HACD2: variants seen among roughly 807,000 people sequenced by gnomAD.
The protein encoded by HACD2 is very-long-chain (3R)-3-hydroxyacyl-CoA dehydratase 2.
In HACD2, 15 loss-of-function variants were observed where a neutral mutation model predicts 31.0. The ratio of observed to expected loss-of-function variants is 0.48; its 90% CI spans 0.32 to 0.75. The LOEUF is 0.75. HACD2 is among the 30% of genes least tolerant of loss of function. HACD2 has a pLI of 0.03. For missense variants in HACD2, 283 were observed against 313.0 expected (o/e 0.90, Z 0.72); for synonymous variants, 115 against 122.2 (o/e 0.94, Z 0.39).
chr3:123,579,473 A>AG (rs1399612498), intron 2 of HACD2, among the ~76,000 whole-genome samples: 1 of 151,926 alleles, frequency 6.6e-6, no homozygotes, highest in East Asian at 1.9e-4. Context: ...AAAAAAAAAA[A>AG]ATTTTTTTTT....
chr3:123,582,882 A>G (rs915316329), intron 1 of HACD2, among the ~76,000 whole-genome samples: 1 of 152,202 alleles, frequency 6.6e-6, no homozygotes, highest in Non-Finnish European at 1.5e-5. Context: ...CCTAAAATCA[A>G]TGCAGAAATG....
intron 4 of HACD2, among the ~76,000 whole-genome samples, chr3:123,516,469 C>G (rs545113294): frequency 6.6e-6 from 1 of 150,986 alleles, no homozygotes; most frequent in South Asian, 2.1e-4. Context: ...CTTCTGACCT[C>G]GTGATCCGCC....
Position 123,579,824 on chromosome 3 carries a change from G to C in HACD2, c.273+2388C>G, listed in dbSNP as rs114385947. 5.3e-3 allele frequency among the ~76,000 whole-genome samples: 804 copies of C among 152,220 alleles called. 9 individuals carry two copies. Among genetic ancestry groups the C allele is most frequent in the African/African-American group, 0.019 (776 of 41,520 alleles). On this transcript the variant is annotated intron_variant, in intron 2 of 6. Coordinates refer to ENST00000383657, the MANE Select transcript of HACD2 (RefSeq NM_198402.5). ...GTGTCCGCTTCCAAAAAAAGTTCAA[G>C]CCTCTAAGTTTAAAAAATGGTTCAC...
intron 3 of HACD2, among the ~76,000 whole-genome samples, chr3:123,548,749 A>G (rs2056587665): frequency 6.6e-6 from 1 of 151,798 alleles, no homozygotes; most frequent in Non-Finnish European, 1.5e-5. Context: ...AGCCTCTCTG[A>G]GTAGCTGGAA....
Position 123,497,375 on chromosome 3 carries a change from G to A in HACD2, c.683-2405C>T, listed in dbSNP as rs575765790. ...TCCCTGTGTGTTGGGGACGAGGGGG[G>A]TGTGGGTGCTGCTGGGCCCTCCTTT... On this transcript the variant is annotated intron_variant, in intron 6 of 6. Coordinates refer to ENST00000383657, the MANE Select transcript of HACD2 (RefSeq NM_198402.5). 6.0e-4 allele frequency among the ~76,000 whole-genome samples: 91 copies of A among 152,334 alleles called. 1 individual carries two copies. The highest frequency in any genetic ancestry group is 2.2e-3 in the African/African-American group (90 of 41,576).
chr3:123,550,506 A>C (rs2056608821), intron 3 of HACD2, among the ~76,000 whole-genome samples: 1 of 152,218 alleles, frequency 6.6e-6, no homozygotes, highest in South Asian at 2.1e-4. Flanking sequence ...CAGAAACACA[A>C]GTGGCAGAGA....
In HACD2 at chr3:123,506,007, C is replaced by T. The variant is rs112472790; in HGVS notation, c.382-3326G>A. On this transcript the variant is annotated intron_variant, in intron 4 of 6. Coordinates refer to ENST00000383657, the MANE Select transcript of HACD2 (RefSeq NM_198402.5). ...GACAGGGGGCTGAGCTGGCCTGGGG[C>T]GGCCAGGGCTGCTGCTGTTCTTTGG... 0.024 allele frequency among the ~76,000 whole-genome samples: 3,664 copies of T among 152,274 alleles called. 232 individuals carry two copies. In the East Asian group the frequency reaches 0.25, roughly 10 times the overall value.
chr3:123,520,766 C>T (rs2056204508), intron 4 of HACD2, among the ~76,000 whole-genome samples: 1 of 151,896 alleles, frequency 6.6e-6, no homozygotes. Flanking sequence ...CTGGTGACTC[C>T]CCACTGATAA....
In HACD2 at chr3:123,582,331, T is replaced by G; in HGVS notation, c.156-2A>C. 2 of 1,564,628 alleles carry G rather than the reference T, an allele frequency of 1.3e-6. No individual in the cohort carries two copies. Among genetic ancestry groups the G allele is most frequent in the Non-Finnish European group, 8.6e-7 (1 of 1,157,450 alleles). On this transcript the variant is annotated splice_acceptor_variant, in intron 1 of 6. Coordinates refer to ENST00000383657, the MANE Select transcript of HACD2 (RefSeq NM_198402.5). LOFTEE classifies it high-confidence loss of function. ...AGACCAACCGCTATAACCAGCCACC[T>G]AGTAAAAGAGAAAACAGCAATCAGG...
intron 3 of HACD2, among the ~76,000 whole-genome samples, chr3:123,551,361 G>A (rs916293685): frequency 2.0e-5 from 3 of 152,126 alleles, no homozygotes; most frequent in African/African-American, 7.2e-5. Context: ...GCTCACACTT[G>A]TAATCCCAGC....
At chr3:123,542,016 G>A (rs566780198) in intron 3 of HACD2, among the ~76,000 whole-genome samples, 26 of 150,220 alleles carry the variant, frequency 1.7e-4, no homozygotes, top group Non-Finnish European at 2.5e-4. Context: ...GTGTAGTGGC[G>A]GGCGCCTGTA....
chr3:123,516,775 C>G (rs1267046099), intron 4 of HACD2, among the ~76,000 whole-genome samples: 2 of 152,206 alleles, frequency 1.3e-5, no homozygotes, highest in African/African-American at 4.8e-5. Context: ...GCCAGACATG[C>G]AGAATGCTAA....
intron 6 of HACD2, 30 bp from the exon 7 acceptor site, chr3:123,495,000 G>C (rs772204409): frequency 1.4e-6 from 2 of 1,414,360 alleles, no homozygotes; most frequent in Non-Finnish European, 2.0e-6. Flanking sequence ...TGGTTAAGAG[G>C]ATGGTTTAAA....
rs575207803 is a variant in HACD2 at position 123,510,132 on chromosome 3, C to A, written c.382-7451G>T. Among the ~76,000 whole-genome samples the A allele has an allele frequency of 2.0e-5, 3 of 152,266 alleles. No homozygotes were observed. The East Asian group carries it at 5.8e-4, about 29-fold the overall frequency. ...ATCATTCCAAACAGAAACTCTGTAC[C>A]CATTAAACAATCACTCCACATCTTC... On this transcript the variant is annotated intron_variant, in intron 4 of 6. Coordinates refer to ENST00000383657, the MANE Select transcript of HACD2 (RefSeq NM_198402.5).
intron 4 of HACD2, among the ~76,000 whole-genome samples, chr3:123,503,994 A>G (rs926582854): frequency 6.6e-6 from 1 of 152,230 alleles, no homozygotes; most frequent in African/African-American, 2.4e-5. Flanking sequence ...TCTGACAAAG[A>G]ATTTCATAAA....
At chr3:123,570,809 G>A (rs767350181) in intron 2 of HACD2, among the ~76,000 whole-genome samples, 16 of 152,078 alleles carry the variant, frequency 1.1e-4, no homozygotes, top group Non-Finnish European at 2.1e-4. Context: ...AAACTGTAAT[G>A]CAAGAGGCAA....
Position 123,500,511 on chromosome 3 carries a change from T to C in HACD2, c.682+4A>G, listed in dbSNP as rs1166285963. ...ATTAAATATACGCATAACTGTTTAC[T>C]TACTTGGAATGTAGGAGATCATTAT... On this transcript the variant is annotated splice_donor_region_variant and intron_variant, in intron 6 of 6. Transcript: ENST00000383657. 1 of 1,581,014 alleles carries C rather than the reference T, an allele frequency of 6.3e-7. No homozygotes were observed. The highest frequency in any genetic ancestry group is 1.8e-5 in the Admixed American group (1 of 56,532).
chr3:123,507,757 G>T (rs1300814394), intron 4 of HACD2, among the ~76,000 whole-genome samples: 4 of 151,988 alleles, frequency 2.6e-5, no homozygotes, highest in African/African-American at 9.7e-5. Context: ...TTTAAAAAAG[G>T]GCATGAGGGA....
intron 3 of HACD2, among the ~76,000 whole-genome samples, chr3:123,554,276 T>C (rs542965372): frequency 1.2e-3 from 181 of 151,578 alleles, no homozygotes; most frequent in African/African-American, 4.3e-3. Context: ...CTTTAAAAAC[T>C]GACAAGCTTG....
Sources: allele counts gnomAD v4.1 joint callset (sites outside exome capture counted in the v4.1 genomes callset), GRCh38; gene constraint gnomAD v4.1.1; transcripts MANE v1.5; gene names NCBI Gene and HGNC (gene_info 2026-07-23, HGNC 2026-07-21).